The following DAB1 variants were observed in gnomAD, a reference collection of about 807,000 sequenced individuals.
DAB1 encodes the protein DAB adaptor protein 1, also known as disabled homolog 1.
In DAB1, 15 loss-of-function variants were observed where a neutral mutation model predicts 64.6. The observed-to-expected ratio is 0.23, with a 90% CI of 0.16 to 0.36. The LOEUF is 0.36. Ranked by LOEUF, DAB1 falls within the 10% of genes least tolerant of loss-of-function variation. The probability of loss-of-function intolerance (pLI) is 1.00; values close to 1 mark genes in which losing one functional copy is unlikely to be tolerated. For synonymous variants in DAB1, 235 were observed against 251.9 expected (o/e 0.93, Z 0.64); for missense variants, 596 against 706.7 (o/e 0.84, Z 1.78).
At chr1:58,105,951 T>C (rs1651608976) in intron 5 of DAB1, among the ~76,000 whole-genome samples, 1 of 152,180 alleles carries the variant, frequency 6.6e-6, no homozygotes, top group African/African-American at 2.4e-5. Flanking sequence ...GGCCTGGCAC[T>C]GGGAATACAG....
chr1:57,586,130 G>A (rs1402797697), intron 7 of DAB1, among the ~76,000 whole-genome samples: 1 of 152,120 alleles, frequency 6.6e-6, no homozygotes, highest in Non-Finnish European at 1.5e-5. Context: ...AAAAGCAAAA[G>A]CATAGAAAAT....
intron 4 of DAB1, among the ~76,000 whole-genome samples, chr1:58,178,254 T>A (rs1454041372): frequency 6.6e-6 from 1 of 152,082 alleles, no homozygotes; most frequent in Non-Finnish European, 1.5e-5. Context: ...ACCAACCCTC[T>A]CCATCTCATC....
chr1:57,417,470 A>G (rs1570486196), intron 1 of DAB1, among the ~76,000 whole-genome samples: 1 of 152,158 alleles, frequency 6.6e-6, no homozygotes, highest in East Asian at 1.9e-4. Flanking sequence ...GATTCTCTAC[A>G]TTTTTCCCAA....
At chr1:57,337,187 A>G (rs1352860152) in intron 1 of DAB1, among the ~76,000 whole-genome samples, 2 of 152,246 alleles carry the variant, frequency 1.3e-5, no homozygotes, top group Admixed American at 1.3e-4. Context: ...CTACTGTAAC[A>G]GCTTTCTGGC....
At position 57,106,918 on chromosome 1, in the gene DAB1, T is replaced by C. The variant is rs571257230; in HGVS notation, c.306+29625A>G. ...GTAGGAGATAGCACAGATGAAGCAA[T>C]AGCTACATCTATTGGGGTCTCAGGG... is the stretch of plus-strand genomic sequence containing the variant. On this transcript the variant is annotated intron_variant, in intron 4 of 14. Coordinates refer to ENST00000371236, the MANE Select transcript of DAB1 (RefSeq NM_001365792.1). 2.9e-4 allele frequency among the ~76,000 whole-genome samples: 44 copies of C among 152,180 alleles called. 1 individual carries two copies. The highest frequency in any genetic ancestry group is 8.4e-4 in the African/African-American group (35 of 41,518).
At chr1:57,053,688 A>ATTTT (rs61374333) in intron 9 of DAB1, among the ~76,000 whole-genome samples, 98 of 71,396 alleles carry the variant, frequency 1.4e-3, no homozygotes, top group African/African-American at 1.7e-3. Context: ...ATATATATAT[A>ATTTT]TTTTTTTTTT....
chr1:58,401,238 A>C (rs984546149), intron 3 of DAB1, among the ~76,000 whole-genome samples: 1 of 152,244 alleles, frequency 6.6e-6, no homozygotes. Flanking sequence ...TGATCTTCCC[A>C]TTGCCTCCAC....
At position 57,435,916 on chromosome 1, in the gene DAB1, CT is replaced by C. The variant is rs1183686656; in HGVS notation, n.626-144751del. Among the ~76,000 whole-genome samples, 404 of 127,178 alleles carry C rather than the reference CT, an allele frequency of 3.2e-3. 2 individuals carry two copies. Among genetic ancestry groups the C allele is most frequent in the East Asian group, 0.012 (53 of 4,420 alleles). The allele number at this position is 127,178 out of a possible 152,430, so 83.4% of individuals were successfully genotyped here. On this transcript the variant is annotated intron_variant and non_coding_transcript_variant, in intron 7 of 20. Transcript: ENST00000485760. ...TATGTGCTAGACTTTTTTTTTCTTT[CT>C]TTTTTTTTTTTTTTTTTGAGATGGA...
At chr1:58,261,655 T>C (rs991414839) in intron 4 of DAB1, among the ~76,000 whole-genome samples, 1 of 151,660 alleles carries the variant, frequency 6.6e-6, no homozygotes, top group African/African-American at 2.4e-5. Context: ...TGAGAAAAAA[T>C]GATTGCATAA....
intron 4 of DAB1, among the ~76,000 whole-genome samples, chr1:58,194,209 A>G (rs947155333): frequency 6.6e-6 from 1 of 152,244 alleles, no homozygotes; most frequent in African/African-American, 2.4e-5. Flanking sequence ...CCCAGAGAAC[A>G]GTAGCTTCAT....
At chr1:57,173,367 G>A (rs1661984108) in intron 2 of DAB1, among the ~76,000 whole-genome samples, 1 of 152,162 alleles carries the variant, frequency 6.6e-6, no homozygotes, top group Non-Finnish European at 1.5e-5. Context: ...ATGGGTCGTA[G>A]TCAAAACATA....
At chr1:57,989,494 G>A (rs779263194) in intron 5 of DAB1, among the ~76,000 whole-genome samples, 2 of 152,070 alleles carry the variant, frequency 1.3e-5, no homozygotes, top group African/African-American at 2.4e-5. Context: ...TGACTCCTAG[G>A]GTAAAGTTCT....
intron 3 of DAB1, among the ~76,000 whole-genome samples, chr1:58,355,820 C>T (rs1288184622): frequency 1.3e-5 from 2 of 152,144 alleles, no homozygotes; most frequent in East Asian, 1.9e-4. Flanking sequence ...GCAAGTAATG[C>T]CTCTAATCGC....
chr1:57,906,928 T>C (rs1390329231), intron 5 of DAB1, among the ~76,000 whole-genome samples: 4 of 144,226 alleles, frequency 2.8e-5, no homozygotes, highest in Admixed American at 7.3e-5. Context: ...AAAATAAGAA[T>C]ATAATATGCA....
At chr1:57,227,904 A>G (rs1312194678) in intron 2 of DAB1, among the ~76,000 whole-genome samples, 1 of 152,154 alleles carries the variant, frequency 6.6e-6, no homozygotes, top group Non-Finnish European at 1.5e-5. Flanking sequence ...AAGAGGGCAT[A>G]ACTTAGGGGA....
intron 14 of DAB1, among the ~76,000 whole-genome samples, chr1:57,007,891 G>A (rs1393574994): frequency 6.6e-6 from 1 of 152,204 alleles, no homozygotes; most frequent in African/African-American, 2.4e-5. Context: ...TGGGTGGATG[G>A]GGGAATGGGA....
intron 7 of DAB1, among the ~76,000 whole-genome samples, chr1:57,461,722 A>G (rs17115832): frequency 0.042 from 6,402 of 152,160 alleles, 212 homozygotes; most frequent in East Asian, 0.17. Context: ...TCCCTCATTC[A>G]TGCCCCTGTG....
At chr1:57,221,953 T>G (rs1268782191) in intron 2 of DAB1, among the ~76,000 whole-genome samples, 1 of 152,136 alleles carries the variant, frequency 6.6e-6, no homozygotes, top group Non-Finnish European at 1.5e-5. Flanking sequence ...TTTTTATTTT[T>G]ATTTGCCCAA....
At chr1:57,764,593 T>G (rs758473658) in intron 6 of DAB1, among the ~76,000 whole-genome samples, 2 of 152,316 alleles carry the variant, frequency 1.3e-5, no homozygotes, top group South Asian at 4.1e-4. Context: ...CCTCCTACCC[T>G]TCCCAGCCTC....
Sources: allele counts gnomAD v4.1 joint callset (sites outside exome capture counted in the v4.1 genomes callset), GRCh38; gene constraint gnomAD v4.1.1; transcripts MANE v1.5; gene names NCBI Gene and HGNC (gene_info 2026-07-23, HGNC 2026-07-21).